Variants in PASD1 observed in about 807,000 individuals in gnomAD.
The protein encoded by PASD1 is PAS domain containing repressor 1.
In PASD1, 13 loss-of-function variants were observed where a neutral mutation model predicts 58.8. The observed-to-expected ratio is 0.22, with a 90% confidence interval of 0.14 to 0.35. PASD1 has a LOEUF of 0.35. Ranked by LOEUF, PASD1 falls within the 10% of genes least tolerant of loss-of-function variation. The pLI is 1.00. For missense variants in PASD1, 734 were observed against 568.3 expected (o/e 1.29, Z -2.96); for synonymous variants, 236 against 216.7 (o/e 1.09, Z -0.78).
In PASD1 at chrX:151,620,575, T is replaced by G. The variant is rs188789709; in HGVS notation, c.208-355T>G. On this transcript the variant is annotated intron_variant, in intron 4 of 15. Coordinates refer to ENST00000370357, the MANE Select transcript of PASD1 (RefSeq NM_173493.3). ...ATGATTTTTGGGCAGACTTGAATACTTATTTCAAATAATATACTGCTTAGT... is the reference window on the plus strand; with the variant it reads ...ATGATTTTTGGGCAGACTTGAATACGTATTTCAAATAATATACTGCTTAGT... Among the ~76,000 whole-genome samples, 13 of 111,302 alleles carry G rather than the reference T, an allele frequency of 1.2e-4. No individual in the cohort carries two copies. The Admixed American group carries it at 1.3e-3, about 11-fold the overall frequency.
chrX:151,662,307 G>A (rs763730251), intron 10 of PASD1, among the ~76,000 whole-genome samples: 1 of 109,586 alleles, frequency 9.1e-6, no homozygotes, highest in East Asian at 2.9e-4. Context: ...AAAAAAAATT[G>A]TTCCAGCTTT....
chrX:151,673,905 G>A (rs372768884), intron 14 of PASD1, 23 bp from the exon 15 acceptor site: 2 of 1,207,951 alleles, frequency 1.7e-6, no homozygotes, highest in Middle Eastern at 2.3e-4. Flanking sequence ...CCACATCACT[G>A]CAACAGCTTT....
intron 9 of PASD1, among the ~76,000 whole-genome samples, chrX:151,652,270 A>C (rs1178734470): frequency 8.9e-6 from 1 of 111,965 alleles, no homozygotes; most frequent in African/African-American, 3.2e-5. Flanking sequence ...ACAGTGGCTC[A>C]TGCCTGTAAT....
chrX:151,657,493 G>A (rs983798491), intron 9 of PASD1, among the ~76,000 whole-genome samples: 1 of 111,187 alleles, frequency 9.0e-6, no homozygotes, highest in African/African-American at 3.3e-5. Flanking sequence ...TGGTCCCGGA[G>A]TTTGTTTGGT....
At chrX:151,642,305 A>G (rs2014008267) in intron 8 of PASD1, among the ~76,000 whole-genome samples, 1 of 112,223 alleles carries the variant, frequency 8.9e-6, no homozygotes, top group African/African-American at 3.2e-5. Context: ...ACATTGTAAA[A>G]AAACAGGCTG....
intron 1 of PASD1, among the ~76,000 whole-genome samples, chrX:151,594,003 T>C (rs2013283712): frequency 8.9e-6 from 1 of 111,781 alleles, no homozygotes; most frequent in African/African-American, 3.3e-5. Flanking sequence ...AGACGGAGTC[T>C]CACTCTGTCA....
intron 11 of PASD1, among the ~76,000 whole-genome samples, chrX:151,669,507 A>G (rs5924672): frequency 0.13 from 14,678 of 109,842 alleles, 794 homozygotes; most frequent in Non-Finnish European, 0.17. Flanking sequence ...GTTTAACTGT[A>G]TTTTGGTACC....
chrX:151,647,923 T>C (rs1407958475), intron 8 of PASD1, among the ~76,000 whole-genome samples: 3 of 111,566 alleles, frequency 2.7e-5, no homozygotes, highest in African/African-American at 9.8e-5. Context: ...AGGTCTTGTT[T>C]TTTATAATAT....
intron 1 of PASD1, among the ~76,000 whole-genome samples, chrX:151,571,104 A>G (rs2124219918): frequency 8.9e-6 from 1 of 112,006 alleles, no homozygotes; most frequent in South Asian, 3.8e-4. Context: ...AGGTGTTTCC[A>G]GGAAGAAAAG....
intron 4 of PASD1, among the ~76,000 whole-genome samples, chrX:151,619,417 G>A (rs193107523): frequency 1.3e-4 from 15 of 111,343 alleles, no homozygotes; most frequent in Admixed American, 1.1e-3. Context: ...ACAGATAGGT[G>A]GTATTTAATG....
Position 151,676,340 on chromosome X carries a change from G to A in PASD1, c.*197G>A. On this transcript the variant is annotated 3_prime_UTR_variant, in exon 16 of 16. Transcript: ENST00000370357. The stretch of plus-strand genomic sequence containing the variant: ...CCTGTTTCTTGGAAGTTATGCTGTA[G>A]AGGCAGCCTGTGATCCGTAGTATGC... The A allele has an allele frequency of 4.8e-6, 2 of 416,333 alleles. No homozygotes were observed. The highest frequency in any genetic ancestry group is 7.8e-6 in the Non-Finnish European group (2 of 255,378). 34.3% of individuals were successfully genotyped at this position (416,333 alleles called of 1,213,427 possible).
chrX:151,602,627 C>T (rs1447612580), intron 2 of PASD1, among the ~76,000 whole-genome samples: 1 of 110,425 alleles, frequency 9.1e-6, no homozygotes, highest in Non-Finnish European at 1.9e-5. Flanking sequence ...ACCTGGAAGG[C>T]GGAGGTTGTA....
chrX:151,573,713 G>A (rs762950573), intron 1 of PASD1, among the ~76,000 whole-genome samples: 1 of 112,416 alleles, frequency 8.9e-6, no homozygotes, highest in South Asian at 3.8e-4. Context: ...GCAAGGAGAT[G>A]ATCATGAGCA....
chrX:151,651,983 T>C (rs1036116929), intron 9 of PASD1, among the ~76,000 whole-genome samples: 1 of 112,408 alleles, frequency 8.9e-6, no homozygotes, highest in Non-Finnish European at 1.9e-5. Flanking sequence ...ATGGTTTCCC[T>C]TTTGTTCTTT....
intron 1 of PASD1, among the ~76,000 whole-genome samples, chrX:151,586,854 T>A (rs1028398577): frequency 9.0e-6 from 1 of 111,646 alleles, no homozygotes; most frequent in Non-Finnish European, 1.9e-5. Flanking sequence ...ATCAGTGGAT[T>A]TATACAGGTG....
chrX:151,622,113 T>C (rs1431847756), intron 6 of PASD1, among the ~76,000 whole-genome samples: 2 of 110,839 alleles, frequency 1.8e-5, no homozygotes, highest in African/African-American at 6.6e-5. Flanking sequence ...GTTTATCATC[T>C]CTCTGGGAAT....
intron 4 of PASD1, 42 bp from the exon 5 acceptor site, chrX:151,620,888 C>G (rs751254456): frequency 9.8e-7 from 1 of 1,019,692 alleles, no homozygotes; most frequent in Non-Finnish European, 1.4e-6. Context: ...CTCCCTCTTC[C>G]CCTCCTTTTT....
At chrX:151,627,868 T>C (rs1295589624) in intron 8 of PASD1, among the ~76,000 whole-genome samples, 1 of 111,563 alleles carries the variant, frequency 9.0e-6, no homozygotes, top group East Asian at 2.8e-4. Context: ...CAGCACCTGT[T>C]CTTTCCTGAC....
chrX:151,618,815 G>T (rs1402171554), intron 4 of PASD1, among the ~76,000 whole-genome samples: 1 of 111,203 alleles, frequency 9.0e-6, no homozygotes, highest in African/African-American at 3.3e-5. Context: ...GGATGTGAAT[G>T]AGGAGTTGGG....
Sources: gnomAD v4.1 joint callset for allele counts (sites outside exome capture counted in the v4.1 genomes callset) on GRCh38, gnomAD v4.1.1 for gene constraint, MANE v1.5 for transcripts, NCBI Gene and HGNC (gene_info 2026-07-23, HGNC 2026-07-21) for gene names.